Variants in LUZP2 observed in about 807,000 individuals in gnomAD.
The protein encoded by LUZP2 is leucine zipper protein 2.
LUZP2 carries 52 observed loss-of-function variants against 51.6 expected under a neutral mutation model. The observed-to-expected ratio is 1.01, with a 90% CI of 0.81 to 1.27. The LOEUF is 1.27. LUZP2 is among the 50% of genes most tolerant of loss of function. LUZP2 has a pLI of 0.00. For synonymous variants in LUZP2, 154 were observed against 137.3 expected, an observed-to-expected ratio of 1.12 and a Z score of -0.85; for missense variants, 436 against 395.4, an observed-to-expected ratio of 1.10 and a Z score of -0.87.
chr11:24,602,064 A>ATATATGTG lies in LUZP2; in HGVS notation c.62+104764_62+104765insGTGTATAT, dbSNP rs1565020183. Among the ~76,000 whole-genome samples the ATATATGTG allele has an allele frequency of 2.0e-4, 28 of 139,736 alleles. No homozygotes were observed. The East Asian group carries it at 4.4e-3, about 22-fold the overall frequency. 91.7% of individuals were successfully genotyped at this position (139,736 alleles called of 152,430 possible). On this transcript the variant is annotated intron_variant, in intron 1 of 11. Coordinates refer to ENST00000336930, the MANE Select transcript of LUZP2 (RefSeq NM_001009909.4). ...TCTGTATATATGTGTATATATGTGT[A>ATATATGTG]TATATATGCGTATATATGTGTATAT...
intron 5 of LUZP2, 32 bp downstream of exon 5, chr11:24,763,340 T>C: frequency 1.9e-6 from 2 of 1,062,092 alleles, no homozygotes; most frequent in South Asian, 2.1e-5. Context: ...ATACATTTTA[T>C]ATAGATCAAA....
At chr11:24,846,780 T>C (rs2134211901) in intron 5 of LUZP2, among the ~76,000 whole-genome samples, 1 of 152,168 alleles carries the variant, frequency 6.6e-6, no homozygotes, top group South Asian at 2.1e-4. Context: ...ATTTGACAGT[T>C]CATCACATCA....
intron 7 of LUZP2, among the ~76,000 whole-genome samples, chr11:24,937,744 AC>A (rs1252388161): frequency 6.6e-6 from 1 of 151,856 alleles, no homozygotes; most frequent in East Asian, 1.9e-4. Context: ...TACTAACAAT[AC>A]AAAAAATTAG....
intron 1 of LUZP2, among the ~76,000 whole-genome samples, chr11:24,614,161 A>T (rs1590243576): frequency 6.6e-6 from 1 of 152,010 alleles, no homozygotes; most frequent in Admixed American, 6.6e-5. Context: ...TTCTTTAAAA[A>T]TAGCTAATAT....
intron 1 of LUZP2, among the ~76,000 whole-genome samples, chr11:24,672,951 C>T (rs959875870): frequency 2.6e-5 from 4 of 152,176 alleles, no homozygotes; most frequent in African/African-American, 9.7e-5. Context: ...TCAGCCGTGG[C>T]ATTAGATACT....
intron 10 of LUZP2, among the ~76,000 whole-genome samples, chr11:25,061,222 G>A (rs1378585628): frequency 6.6e-6 from 1 of 152,146 alleles, no homozygotes; most frequent in Non-Finnish European, 1.5e-5. Flanking sequence ...GCACTACGCT[G>A]TGATTGTGTG....
intron 4 of LUZP2, among the ~76,000 whole-genome samples, chr11:24,748,646 AG>A (rs1385119824): frequency 1.3e-5 from 2 of 151,880 alleles, no homozygotes; most frequent in East Asian, 1.9e-4. Context: ...TTCAGAAGAG[AG>A]GGGGTTTCAC....
At chr11:24,823,639 G>A (rs992641224) in intron 5 of LUZP2, among the ~76,000 whole-genome samples, 3 of 152,120 alleles carry the variant, frequency 2.0e-5, no homozygotes, top group Non-Finnish European at 4.4e-5. Context: ...CTGTGCCTTA[G>A]GCTATGCCAG....
intron 9 of LUZP2, among the ~76,000 whole-genome samples, chr11:24,985,561 C>T (rs1376779242): frequency 6.6e-6 from 1 of 151,702 alleles, no homozygotes; most frequent in Non-Finnish European, 1.5e-5. Flanking sequence ...TACTTTATGT[C>T]ACCAACACTG....
chr11:24,938,230 T>G (rs1024499116), intron 7 of LUZP2, among the ~76,000 whole-genome samples: 1 of 152,166 alleles, frequency 6.6e-6, no homozygotes, highest in Non-Finnish European at 1.5e-5. Context: ...ATACATTTTT[T>G]TTCTAATAAA....
chr11:24,561,831 G>GATA (rs987608716), intron 1 of LUZP2, among the ~76,000 whole-genome samples: 2 of 69,694 alleles, frequency 2.9e-5, no homozygotes, highest in East Asian at 5.4e-4. Context: ...TAATAATAAT[G>GATA]ATAATAATAA....
At chr11:24,542,736 CA>C (rs57055137) in intron 1 of LUZP2, among the ~76,000 whole-genome samples, 7 of 151,176 alleles carry the variant, frequency 4.6e-5, no homozygotes, top group East Asian at 2.0e-4. Flanking sequence ...CACTTTTATT[CA>C]AAAAAAATAG....
At chr11:24,773,815 A>T (rs1473169240) in intron 5 of LUZP2, among the ~76,000 whole-genome samples, 1 of 152,138 alleles carries the variant, frequency 6.6e-6, no homozygotes, top group Non-Finnish European at 1.5e-5. Context: ...GCTTGCCACA[A>T]GGGAAAATCT....
At chr11:24,960,682 C>G (rs576332821) in intron 7 of LUZP2, among the ~76,000 whole-genome samples, 1 of 151,970 alleles carries the variant, frequency 6.6e-6, no homozygotes, top group Non-Finnish European at 1.5e-5. Flanking sequence ...TTTTCTTGAG[C>G]CTTTCAAAAA....
At chr11:24,856,860 T>G (rs1851582617) in intron 5 of LUZP2, among the ~76,000 whole-genome samples, 1 of 152,092 alleles carries the variant, frequency 6.6e-6, no homozygotes, top group Non-Finnish European at 1.5e-5. Context: ...AAATACTGCA[T>G]GTTCTCACTT....
chr11:24,527,599 A>ACACACACACACACACACAG (rs112511900), intron 1 of LUZP2, among the ~76,000 whole-genome samples: 17 of 148,836 alleles, frequency 1.1e-4, no homozygotes, highest in African/African-American at 4.0e-4. Flanking sequence ...ACACACACAC[A>ACACACACACACACACACAG]TTTATTTGTT....
At chr11:24,828,146 G>A (rs142186784) in intron 5 of LUZP2, among the ~76,000 whole-genome samples, 3 of 152,024 alleles carry the variant, frequency 2.0e-5, no homozygotes, top group Non-Finnish European at 2.9e-5. Context: ...GCAATATTCT[G>A]GTGACTTCTT....
At chr11:24,873,576 T>G (rs1408915535) in intron 5 of LUZP2, among the ~76,000 whole-genome samples, 1 of 152,172 alleles carries the variant, frequency 6.6e-6, no homozygotes, top group Non-Finnish European at 1.5e-5. Context: ...GAACCTTCTC[T>G]GATAAATTGC....
At chr11:24,924,069 A>C (rs1299550982) in intron 7 of LUZP2, among the ~76,000 whole-genome samples, 17 of 136,830 alleles carry the variant, frequency 1.2e-4, no homozygotes, top group South Asian at 2.4e-4. Flanking sequence ...CCCAGCCCCC[A>C]CTCCCCGGCT....
Sources: gnomAD v4.1 joint callset for allele counts (sites outside exome capture counted in the v4.1 genomes callset) on GRCh38, gnomAD v4.1.1 for gene constraint, MANE v1.5 for transcripts, NCBI Gene and HGNC (gene_info 2026-07-23, HGNC 2026-07-21) for gene names.